Variants in CHD7 observed in about 807,000 individuals in gnomAD.
The protein encoded by CHD7 is ATP-dependent chromatin remodeler CHD7.
CHD7 carries 24 observed loss-of-function variants against 307.3 expected under a neutral mutation model. The observed-to-expected ratio is 0.08, with a 90% confidence interval of 0.06 to 0.11. The LOEUF is 0.11. Among genes scored for constraint, CHD7 ranks in the 10% least tolerant of loss-of-function variants. The pLI, the probability that CHD7 is intolerant of heterozygous loss-of-function variation, is 1.00. For synonymous variants in CHD7, 1,363 were observed against 1,349.9 expected (o/e 1.01, Z -0.21); for missense variants, 3,106 against 3,727.1 (o/e 0.83, Z 4.34).
chr8:60,725,932 G>A (rs1403743437), intron 1 of CHD7, among the ~76,000 whole-genome samples: 1 of 152,206 alleles, frequency 6.6e-6, no homozygotes, highest in Non-Finnish European at 1.5e-5. Flanking sequence ...TAGGTGGGGA[G>A]CAGGGGGATT....
At chr8:60,730,088 A>G (rs1441831469) in intron 1 of CHD7, among the ~76,000 whole-genome samples, 2 of 152,234 alleles carry the variant, frequency 1.3e-5, no homozygotes, top group Non-Finnish European at 2.9e-5. Context: ...AAAAAGTAAT[A>G]AAAGAATTTG....
rs368936058 is a variant in CHD7, at chr8:60,836,952, C to T, written c.4125C>T (p.Leu1375=). 32 of 1,613,406 alleles carry T rather than the reference C, an allele frequency of 2.0e-5. No homozygotes were observed. Among genetic ancestry groups the T allele is most frequent in the Admixed American group, 3.3e-5 (2 of 59,980 alleles). ...GGGCAGGAGGTTTAGGCATTAACCT[C>T]ACTGCTGCTGATACCTGCATCATCT... ...CTRAGGLGIN[L]TAADTCIIFD... is the part of the protein sequence containing the mutation. The change falls in exon 17 of 38, where the codon CTC becomes CTT. Residue 1375 remains leucine (L), a synonymous_variant. Coordinates refer to ENST00000423902, the MANE Select transcript of CHD7 (RefSeq NM_017780.4).
chr8:60,833,172 A>T (rs565410524), intron 15 of CHD7, among the ~76,000 whole-genome samples: 1 of 152,344 alleles, frequency 6.6e-6, no homozygotes, highest in East Asian at 1.9e-4. Context: ...TGAAATTTGA[A>T]TTGGTTGTGG....
chr8:60,842,144 T>TTGTG (rs1805004161), intron 21 of CHD7, 92 bp downstream of exon 21: 1 of 1,054,252 alleles, frequency 9.5e-7, no homozygotes, highest in African/African-American at 1.6e-5. Flanking sequence ...GTGTTTGAAT[T>TTGTG]TGTGTGACAC....
At chr8:60,711,588 G>GT (rs1308111392) in intron 1 of CHD7, among the ~76,000 whole-genome samples, 1 of 152,200 alleles carries the variant, frequency 6.6e-6, no homozygotes, top group Non-Finnish European at 1.5e-5. Flanking sequence ...TAGAAATGGT[G>GT]TTATTCCTCT....
In CHD7 at chr8:60,776,783, G is replaced by A. The variant is rs114676050; in HGVS notation, c.1666-4217G>A. Among the ~76,000 whole-genome samples, 579 of 152,198 alleles carry A rather than the reference G, an allele frequency of 3.8e-3. 5 individuals carry two copies. The highest frequency in any genetic ancestry group is 0.013 in the African/African-American group (550 of 41,510). On this transcript the variant is annotated intron_variant, in intron 2 of 37. Transcript: ENST00000423902. Reference sequence around the variant, plus strand: ...TTGCACACTCTTCTGGCTGAAGATCGAGCTTCACTTTTCATACCAGAATTC... The same window carrying A: ...TTGCACACTCTTCTGGCTGAAGATCAAGCTTCACTTTTCATACCAGAATTC...
intron 9 of CHD7, 101 bp from the exon 10 acceptor site, chr8:60,821,689 C>A: frequency 1.1e-6 from 1 of 906,870 alleles, no homozygotes; most frequent in South Asian, 2.2e-5. Context: ...TATATACACA[C>A]ATACATATCT....
chr8:60,784,914 G>T (rs1811424843), intron 3 of CHD7, among the ~76,000 whole-genome samples: 1 of 151,954 alleles, frequency 6.6e-6, no homozygotes, highest in African/African-American at 2.4e-5. Context: ...CCCGTTTTAT[G>T]TTAAATATAT....
intron 19 of CHD7, among the ~76,000 whole-genome samples, chr8:60,841,175 C>A (rs1804953641): frequency 6.6e-6 from 1 of 152,236 alleles, no homozygotes; most frequent in East Asian, 1.9e-4. Flanking sequence ...CCTGGCTTCT[C>A]TCTCCCTCAC....
intron 2 of CHD7, among the ~76,000 whole-genome samples, chr8:60,762,195 C>G (rs1810247711): frequency 6.6e-6 from 1 of 152,222 alleles, no homozygotes; most frequent in South Asian, 2.1e-4. Context: ...CCATCTTCCT[C>G]TAACTACTGC....
chr8:60,684,230 G>A (rs568949873), intron 1 of CHD7, among the ~76,000 whole-genome samples: 2 of 152,272 alleles, frequency 1.3e-5, no homozygotes, highest in East Asian at 3.9e-4. Context: ...ATGCTAATGT[G>A]GAATCTAAGG....
At chr8:60,681,369 C>T (rs1185328090) in intron 1 of CHD7, among the ~76,000 whole-genome samples, 2 of 152,112 alleles carry the variant, frequency 1.3e-5, no homozygotes, top group Admixed American at 1.3e-4. Context: ...CCAGTCTTTA[C>T]CCTAAAATGG....
chr8:60,792,773 C>T lies in CHD7; in HGVS notation c.2097-2213C>T, dbSNP rs116264371. Among the ~76,000 whole-genome samples the T allele has an allele frequency of 9.0e-4, 137 of 152,270 alleles. 2 individuals carry two copies. Among genetic ancestry groups the T allele is most frequent in the African/African-American group, 3.2e-3 (131 of 41,556 alleles). ...GGCCTGGCAGCCCTCTAAATTAAACCGTGTACATCGCTCTGGTATAGAGAG... is the reference window on the plus strand; with the variant it reads ...GGCCTGGCAGCCCTCTAAATTAAACTGTGTACATCGCTCTGGTATAGAGAG... On this transcript the variant is annotated intron_variant, in intron 3 of 37. Coordinates refer to ENST00000423902, the MANE Select transcript of CHD7 (RefSeq NM_017780.4).
At chr8:60,745,116 C>G (rs1362712385) in intron 2 of CHD7, among the ~76,000 whole-genome samples, 2 of 151,838 alleles carry the variant, frequency 1.3e-5, no homozygotes, top group Non-Finnish European at 2.9e-5. Flanking sequence ...CAAAGCGGAC[C>G]AAAAGTACTG....
In CHD7 at chr8:60,754,206, G is replaced by A. The variant is rs142282058; in HGVS notation, c.1665+11109G>A. ...GCAGGCAAGAGCACAGAGTTGTGAAGACCACAGGCTTCATATACACTGAGA... is the reference window on the plus strand; with the variant it reads ...GCAGGCAAGAGCACAGAGTTGTGAAAACCACAGGCTTCATATACACTGAGA... On this transcript the variant is annotated intron_variant, in intron 2 of 37. Coordinates refer to ENST00000423902, the MANE Select transcript of CHD7 (RefSeq NM_017780.4). 2.4e-3 allele frequency among the ~76,000 whole-genome samples: 366 copies of A among 152,324 alleles called. 1 individual carries two copies. The highest frequency in any genetic ancestry group is 8.5e-3 in the African/African-American group (352 of 41,576).
intron 3 of CHD7, among the ~76,000 whole-genome samples, chr8:60,790,139 C>T (rs1811698157): frequency 1.3e-5 from 2 of 152,206 alleles, no homozygotes; most frequent in Admixed American, 6.5e-5. Flanking sequence ...CATCTGATTA[C>T]AAGGGCTTGT....
chr8:60,731,518 G>A (rs12056700), intron 1 of CHD7, among the ~76,000 whole-genome samples: 33,706 of 152,058 alleles, frequency 0.22, 6,279 homozygotes, highest in African/African-American at 0.51. Context: ...GTCTTGGTAC[G>A]TATCCCCAGG....
intron 2 of CHD7, among the ~76,000 whole-genome samples, chr8:60,771,286 T>C (rs970966061): frequency 6.6e-6 from 1 of 152,238 alleles, no homozygotes; most frequent in South Asian, 2.1e-4. Flanking sequence ...TGTGACACTT[T>C]ACAGGTTGAC....
chr8:60,759,104 G>A (rs569269503), intron 2 of CHD7, among the ~76,000 whole-genome samples: 120 of 152,262 alleles, frequency 7.9e-4, no homozygotes, highest in African/African-American at 2.7e-3. Flanking sequence ...ACCCCTGAGG[G>A]TCCACAGAAC....
Sources: gnomAD v4.1 joint callset for allele counts (sites outside exome capture counted in the v4.1 genomes callset) on GRCh38, gnomAD v4.1.1 for gene constraint, MANE v1.5 for transcripts, NCBI Gene and HGNC (gene_info 2026-07-23, HGNC 2026-07-21) for gene names.